THBS4: variants seen among roughly 807,000 people sequenced by gnomAD.
THBS4 encodes the protein thrombospondin 4.
Under a neutral mutation model 115.7 loss-of-function variants are expected in THBS4, and 90 were observed. The ratio of observed to expected loss-of-function variants is 0.78; its 90% confidence interval spans 0.66 to 0.93. The LOEUF is 0.93. Among genes scored for constraint, THBS4 ranks in the 40% least tolerant of loss-of-function variants. The probability of loss-of-function intolerance (pLI) is 0.00; values close to 1 mark genes in which losing one functional copy is unlikely to be tolerated. For synonymous variants in THBS4, 460 were observed against 479.3 expected (o/e 0.96, Z 0.53); for missense variants, 1,087 against 1,232.7 (o/e 0.88, Z 1.77).
At chr5:80,056,053 C>T (rs1833422818) in intron 3 of THBS4, 21 bp downstream of exon 3, 4 of 1,574,984 alleles carry the variant, frequency 2.5e-6, no homozygotes, top group Non-Finnish European at 3.5e-6. Context: ...ACAAACCATT[C>T]TCTGAAGTGG....
At chr5:80,046,354 A>G (rs1833065692) in intron 2 of THBS4, among the ~76,000 whole-genome samples, 1 of 152,274 alleles carries the variant, frequency 6.6e-6, no homozygotes, top group African/African-American at 2.4e-5. Context: ...GAAGAAAGTC[A>G]TAGTGGAGCC....
chr5:80,020,773 G>A (rs537213190), intron 2 of THBS4, among the ~76,000 whole-genome samples: 3 of 152,234 alleles, frequency 2.0e-5, no homozygotes, highest in African/African-American at 7.2e-5. Flanking sequence ...TCTACCCTGA[G>A]CTTTTCTCCT....
Position 80,076,884 on chromosome 5 carries a change from A to G in THBS4, c.1922A>G (p.Asp641Gly). Residue 641 changes from aspartate (D) to glycine (G), a missense_variant, in exon 16 of 22, where the codon GAC becomes GGC. By Grantham distance (94) the Asp-to-Gly change is moderately conservative. Coordinates refer to ENST00000350881, the MANE Select transcript of THBS4 (RefSeq NM_003248.6). ...SDGDGHQDST[D>G]NCPTVINSAQ... ...GGAGATGGGCACCAGGACAGCACAG[A>G]CAACTGCCCCACCGTCATTAACAGT... 1 of 1,606,546 alleles carries G rather than the reference A, an allele frequency of 6.2e-7. No homozygotes were observed. The highest frequency in any genetic ancestry group is 8.5e-7 in the Non-Finnish European group (1 of 1,175,868).
intron 14 of THBS4, 84 bp downstream of exon 14, chr5:80,072,480 GC>G: frequency 7.9e-7 from 1 of 1,270,736 alleles, no homozygotes; most frequent in Non-Finnish European, 1.1e-6. Context: ...TAGAAAAACA[GC>G]AGAGCCTCTT....
intron 2 of THBS4, among the ~76,000 whole-genome samples, chr5:80,043,150 A>T (rs759111898): frequency 3.3e-5 from 5 of 152,224 alleles, no homozygotes; most frequent in South Asian, 4.1e-4. Context: ...AGAGGGATTT[A>T]TGCTGTTATT....
chr5:80,039,034 A>G (rs1580933291), intron 1 of THBS4, among the ~76,000 whole-genome samples: 1 of 152,316 alleles, frequency 6.6e-6, no homozygotes, highest in African/African-American at 2.4e-5. Context: ...CTTAATGGTC[A>G]TTGTAATTCT....
rs372295131 is a variant in THBS4, at chr5:80,078,201, G to A, written c.2239G>A (p.Asp747Asn). Residue 747 changes from aspartate (D) to asparagine (N), a missense_variant, in exon 17 of 22, where the codon GAT becomes AAT. Physicochemically the swap from Asp to Asn is conservative, Grantham distance 23 (BLOSUM62 1). Transcript: ENST00000350881. Reference sequence around the variant, plus strand: ...GGATCCTGAAGGGGATGCCCAGATCGATCCCAACTGGGTGGTCCTGAACCA... The same window carrying A: ...GGATCCTGAAGGGGATGCCCAGATCAATCCCAACTGGGTGGTCCTGAACCA... ...VLDPEGDAQIDPNWVVLNQGM... is the reference protein window; with the variant it reads ...VLDPEGDAQINPNWVVLNQGM... 5 of 1,601,432 alleles carry A rather than the reference G, an allele frequency of 3.1e-6. No individual in the cohort carries two copies. The highest frequency in any genetic ancestry group is 1.3e-5 in the African/African-American group (1 of 74,800).
At chr5:80,009,444 C>T (rs752006245) in intron 2 of THBS4, among the ~76,000 whole-genome samples, 4 of 152,170 alleles carry the variant, frequency 2.6e-5, no homozygotes, top group Non-Finnish European at 2.9e-5. Flanking sequence ...AACCAAGAAA[C>T]TAATGTGGTT....
At chr5:80,024,565 A>G (rs1205810964) in intron 2 of THBS4, among the ~76,000 whole-genome samples, 1 of 152,190 alleles carries the variant, frequency 6.6e-6, no homozygotes, top group Non-Finnish European at 1.5e-5. Flanking sequence ...TGGCTGGGCC[A>G]GGTTTCAAAC....
At chr5:80,021,693 G>C (rs1479957965) in intron 2 of THBS4, among the ~76,000 whole-genome samples, 1 of 152,038 alleles carries the variant, frequency 6.6e-6, no homozygotes, top group African/African-American at 2.4e-5. Context: ...TCTGTGTTTT[G>C]TATATTTTGT....
Position 80,030,197 on chromosome 5 carries a change from T to A in THBS4, n.178-9880T>A, listed in dbSNP as rs577014298. 1.7e-3 allele frequency among the ~76,000 whole-genome samples: 262 copies of A among 152,110 alleles called. 1 individual carries two copies. The highest frequency in any genetic ancestry group is 5.7e-3 in the African/African-American group (236 of 41,502). ...CGGTAGAATGTAAACATCTTTTTTT[T>A]TTATTATTTTTATTTTTTTGGACAG... is the stretch of plus-strand genomic sequence containing the variant. On this transcript the variant is annotated intron_variant and non_coding_transcript_variant, in intron 2 of 3. Transcript: ENST00000510218.
chr5:80,044,634 A>G (rs928927658), intron 2 of THBS4, among the ~76,000 whole-genome samples: 1 of 152,094 alleles, frequency 6.6e-6, no homozygotes, highest in African/African-American at 2.4e-5. Flanking sequence ...CATATTGGCC[A>G]GGCTGGTCTC....
chr5:80,075,657 G>C (rs575853390), intron 15 of THBS4, among the ~76,000 whole-genome samples: 5 of 152,172 alleles, frequency 3.3e-5, no homozygotes, highest in Non-Finnish European at 5.9e-5. Context: ...CAAAACAAAT[G>C]ACTCATTCTG....
intron 1 of THBS4, among the ~76,000 whole-genome samples, chr5:79,997,370 A>T (rs1230463535): frequency 1.3e-5 from 2 of 152,146 alleles, no homozygotes; most frequent in Non-Finnish European, 2.9e-5. Context: ...ATCAGGAAAA[A>T]AAAAGTAGTA....
At chr5:80,032,398 TAGTC>T (rs1326697194), upstream of THBS4, among the ~76,000 whole-genome samples, 8 of 152,296 alleles carry the variant, frequency 5.3e-5, no homozygotes, top group Non-Finnish European at 7.3e-5. Flanking sequence ...ATGTGTGTAT[TAGTC>T]AGAGTTCTCT....
rs781333059 is a variant in THBS4, at chr5:80,068,058, C to T, written c.1280C>T (p.Pro427Leu). ...GCKAERNCRN[P>L]ELNPCSVNAQ... is the part of the protein sequence containing the mutation. Reference sequence around the variant, plus strand: ...AAAGCGGAAAGAAACTGCAGAAACCCAGAGCTGAACCCTTGCAGTGTGAAT... The same window carrying T: ...AAAGCGGAAAGAAACTGCAGAAACCTAGAGCTGAACCCTTGCAGTGTGAAT... Residue 427 changes from proline to leucine, a missense_variant, in exon 10 of 22, where the codon CCA (proline) becomes CTA (leucine). Physicochemically the swap from Pro to Leu is moderately conservative, Grantham distance 98. Around this residue, in one of 3 missense-constraint regions of THBS4, gnomAD observed 979 missense variants for 1,103.7 expected, o/e 0.89. Transcript: ENST00000350881. The T allele has an allele frequency of 3.7e-6, 6 of 1,614,036 alleles. No homozygotes were observed. The East Asian group carries it at 1.3e-4, about 36-fold the overall frequency.
chr5:80,062,032 T>G (rs1396270229), intron 8 of THBS4, among the ~76,000 whole-genome samples, 200 bp downstream of exon 8: 2 of 152,120 alleles, frequency 1.3e-5, no homozygotes, highest in Admixed American at 6.5e-5. Flanking sequence ...GGAGGAAGCT[T>G]TTAAGAGGGG....
At chr5:80,080,146 C>A in intron 20 of THBS4, 69 bp downstream of exon 20, 1 of 1,507,850 alleles carries the variant, frequency 6.6e-7, no homozygotes, top group Non-Finnish European at 9.0e-7. Flanking sequence ...ATCCCAGAGC[C>A]TTCATTTCCC....
intron 2 of THBS4, among the ~76,000 whole-genome samples, chr5:80,046,018 C>A (rs1037539889): frequency 1.3e-5 from 2 of 151,996 alleles, no homozygotes; most frequent in African/African-American, 4.8e-5. Flanking sequence ...AAAGCTAAAA[C>A]CTAATTGAGT....
Sources: allele counts gnomAD v4.1 joint callset (sites outside exome capture counted in the v4.1 genomes callset), GRCh38; gene constraint gnomAD v4.1.1; regional missense constraint gnomAD v4.1.1; transcripts MANE v1.5; gene names NCBI Gene and HGNC (gene_info 2026-07-23, HGNC 2026-07-21).